The following OXR1 variants were observed in gnomAD, a reference collection of about 807,000 sequenced individuals.
OXR1 encodes oxidation resistance 1.
In OXR1, 41 loss-of-function variants were observed where a neutral mutation model predicts 104.6. The observed-to-expected ratio is 0.39, with a 90% confidence interval of 0.31 to 0.51. OXR1 has a LOEUF of 0.51. Ranked by LOEUF, OXR1 falls within the 20% of genes least tolerant of loss-of-function variation. The pLI is 0.77. For missense variants in OXR1, 955 were observed against 1,031.9 expected, an observed-to-expected ratio of 0.93 and a Z score of 1.02; for synonymous variants, 348 against 348.4, an observed-to-expected ratio of 1.00 and a Z score of 0.01.
intron 1 of OXR1, among the ~76,000 whole-genome samples, chr8:106,316,639 C>T (rs1050827541): frequency 8.6e-5 from 13 of 151,900 alleles, no homozygotes; most frequent in Non-Finnish European, 1.6e-4. Context: ...TTAAGTAAAA[C>T]ATTGGGCTAG....
At chr8:106,539,032 C>T (rs780549416) in intron 3 of OXR1, among the ~76,000 whole-genome samples, 1 of 152,166 alleles carries the variant, frequency 6.6e-6, no homozygotes, top group Non-Finnish European at 1.5e-5. Flanking sequence ...CATTTGACTT[C>T]AAAGCCTGTC....
intron 3 of OXR1, among the ~76,000 whole-genome samples, chr8:106,658,976 G>T (rs771878842): frequency 1.3e-5 from 2 of 152,136 alleles, no homozygotes; most frequent in Admixed American, 6.5e-5. Flanking sequence ...TCCTAGCCAT[G>T]TCTGATTTTT....
At chr8:106,663,400 A>G (rs1825961316) in intron 3 of OXR1, among the ~76,000 whole-genome samples, 1 of 152,244 alleles carries the variant, frequency 6.6e-6, no homozygotes, top group Non-Finnish European at 1.5e-5. Context: ...AAAGGATAGA[A>G]TGGATTGTCA....
chr8:106,678,505 A>G (rs1587058605), intron 3 of OXR1, among the ~76,000 whole-genome samples: 1 of 151,940 alleles, frequency 6.6e-6, no homozygotes, highest in South Asian at 2.1e-4. Flanking sequence ...GTGGTGTTTT[A>G]TTAATTCAGT....
In OXR1 at chr8:106,422,646, C is replaced by T. The variant is rs143171158; in HGVS notation, c.23+63010C>T. 1.4e-3 allele frequency among the ~76,000 whole-genome samples: 211 copies of T among 152,146 alleles called. 1 individual carries two copies. Among genetic ancestry groups the T allele is most frequent in the African/African-American group, 4.6e-3 (193 of 41,524 alleles). On this transcript the variant is annotated intron_variant, in intron 2 of 16. Transcript: ENST00000517566. ...GCCGTATGACTTCTCAGAGTTCATA[C>T]GGACCCTTATAGAAATAACTACCAT...
intron 1 of OXR1, among the ~76,000 whole-genome samples, chr8:106,355,502 GT>G (rs1815928113): frequency 6.6e-6 from 1 of 151,804 alleles, no homozygotes; most frequent in Non-Finnish European, 1.5e-5. Flanking sequence ...TTTCAACTCA[GT>G]AAGCTTTGAG....
intron 2 of OXR1, among the ~76,000 whole-genome samples, chr8:106,461,218 G>C (rs920193674): frequency 6.6e-6 from 1 of 152,108 alleles, no homozygotes; most frequent in Non-Finnish European, 1.5e-5. Flanking sequence ...AGTAAGAGTA[G>C]TCTCCCCTGG....
rs879939309 is a variant in OXR1 at position 106,669,807 on chromosome 8, A to AT, written c.221-9396dup. ...ACCTTTCCATTTCTTTACCAAAATG[A>AT]TTTTTTTAAAGGTTTTATACTGCTC... On this transcript the variant is annotated intron_variant, in intron 3 of 16. Coordinates refer to ENST00000517566, the MANE Select transcript of OXR1 (RefSeq NM_001198533.2). Among the ~76,000 whole-genome samples the AT allele has an allele frequency of 9.7e-4, 147 of 152,188 alleles. 1 individual carries two copies. Among genetic ancestry groups the AT allele is most frequent in the Non-Finnish European group, 1.6e-3 (108 of 67,980 alleles).
At chr8:106,394,551 T>G (rs1817705618) in intron 2 of OXR1, among the ~76,000 whole-genome samples, 2 of 152,096 alleles carry the variant, frequency 1.3e-5, no homozygotes, top group Admixed American at 1.3e-4. Flanking sequence ...AACTGGTAAG[T>G]GGATAAACTG....
intron 2 of OXR1, among the ~76,000 whole-genome samples, chr8:106,445,326 AGTACCAT>A (rs1408002647): frequency 1.3e-5 from 2 of 152,208 alleles, no homozygotes; most frequent in African/African-American, 4.8e-5. Context: ...AGAGGTGAAA[AGTACCAT>A]GAGTCTTAGC....
chr8:106,514,641 G>A (rs778915410), intron 2 of OXR1, among the ~76,000 whole-genome samples: 7 of 152,110 alleles, frequency 4.6e-5, no homozygotes, highest in Non-Finnish European at 1.0e-4. Context: ...GCAATGAGAT[G>A]CTTATATATT....
intron 3 of OXR1, among the ~76,000 whole-genome samples, chr8:106,555,729 G>A (rs950975870): frequency 1.3e-5 from 2 of 151,644 alleles, no homozygotes; most frequent in Admixed American, 1.3e-4. Context: ...AAGTATAAAT[G>A]AATATGATAA....
intron 1 of OXR1, among the ~76,000 whole-genome samples, chr8:106,283,444 A>G (rs1002688990): frequency 5.9e-5 from 9 of 152,204 alleles, no homozygotes; most frequent in Non-Finnish European, 1.3e-4. Flanking sequence ...CCAGGCCCAT[A>G]GATCAGGGAT....
At chr8:106,522,067 C>G (rs1052149928) in intron 3 of OXR1, among the ~76,000 whole-genome samples, 1 of 151,984 alleles carries the variant, frequency 6.6e-6, no homozygotes, top group Non-Finnish European at 1.5e-5. Flanking sequence ...TACATTCAAG[C>G]AATAATTTTA....
intron 2 of OXR1, among the ~76,000 whole-genome samples, chr8:106,406,154 G>C (rs1818228426): frequency 6.6e-6 from 1 of 152,020 alleles, no homozygotes; most frequent in South Asian, 2.1e-4. Context: ...TTGGCTTACT[G>C]TTTGCTTTTG....
At position 106,519,153 on chromosome 8, in the gene OXR1, G is replaced by A; in HGVS notation, c.220+14G>A. On this transcript the variant is annotated intron_variant, in intron 3 of 16. Coordinates refer to ENST00000517566, the MANE Select transcript of OXR1 (RefSeq NM_001198533.2). ...TCTACACAATTGGTGAGCACCAGAT[G>A]TTTTATGCAAGTGAATAGATGAAAT... is the stretch of plus-strand genomic sequence containing the variant. 6.5e-7 allele frequency: 1 copy of A among 1,532,222 alleles called. No homozygotes were observed. The highest frequency in any genetic ancestry group is 2.0e-5 in the Admixed American group (1 of 50,658). The allele number at this position is 1,532,222 out of a possible 1,614,324, so 94.9% of individuals were successfully genotyped here.
At chr8:106,340,479 A>G (rs563616776) in intron 1 of OXR1, among the ~76,000 whole-genome samples, 2 of 152,324 alleles carry the variant, frequency 1.3e-5, no homozygotes, top group East Asian at 3.9e-4. Flanking sequence ...TAATTTTCCT[A>G]GATAGGCCTT....
At chr8:106,408,981 T>G (rs192828559) in intron 2 of OXR1, among the ~76,000 whole-genome samples, 2 of 152,290 alleles carry the variant, frequency 1.3e-5, no homozygotes, top group East Asian at 3.9e-4. Context: ...TCAACACAAG[T>G]AAACAAGCCT....
intron 3 of OXR1, among the ~76,000 whole-genome samples, chr8:106,628,789 C>T (rs1177378484): frequency 1.3e-5 from 2 of 152,154 alleles, no homozygotes; most frequent in Admixed American, 6.6e-5. Context: ...TGGCACTTCA[C>T]GTATGCAGCA....
Sources: allele counts gnomAD v4.1 joint callset (sites outside exome capture counted in the v4.1 genomes callset), GRCh38; gene constraint gnomAD v4.1.1; transcripts MANE v1.5; gene names NCBI Gene and HGNC (gene_info 2026-07-23, HGNC 2026-07-21).